CCDC3: variants seen among roughly 807,000 people sequenced by gnomAD.
CCDC3 encodes the protein coiled-coil domain-containing protein 3.
Under a neutral mutation model 21.4 loss-of-function variants are expected in CCDC3, and 24 were observed. That is an observed-to-expected ratio of 1.12 (90% CI 0.81 to 1.58). The LOEUF (loss-of-function observed/expected upper bound fraction) is 1.58. CCDC3 is among the 40% of genes most tolerant of loss of function. The pLI, the probability that CCDC3 is intolerant of heterozygous loss-of-function variation, is 0.00. For synonymous variants in CCDC3, 186 were observed against 166.0 expected (o/e 1.12, Z -0.93); for missense variants, 425 against 360.9 (o/e 1.18, Z -1.44).
chr10:13,045,765 C>T (rs530786393), intron 5 of CCDC3, among the ~76,000 whole-genome samples: 2 of 152,130 alleles, frequency 1.3e-5, no homozygotes, highest in South Asian at 2.1e-4. Flanking sequence ...CTACTGCTAC[C>T]GTAAGCACTA....
chr10:13,059,421 G>A (rs1197813407), intron 4 of CCDC3, among the ~76,000 whole-genome samples: 3 of 152,172 alleles, frequency 2.0e-5, no homozygotes, highest in Non-Finnish European at 4.4e-5. Context: ...ACAATATTGA[G>A]TGAACATCTT....
At chr10:12,911,623 A>G (rs1162211689) in intron 2 of CCDC3, among the ~76,000 whole-genome samples, 2 of 152,250 alleles carry the variant, frequency 1.3e-5, no homozygotes, top group Non-Finnish European at 2.9e-5. Context: ...GTACACTGAC[A>G]TGGCTAATTA....
intron 2 of CCDC3, among the ~76,000 whole-genome samples, chr10:12,900,985 C>A (rs1434899034): frequency 6.6e-6 from 1 of 152,150 alleles, no homozygotes; most frequent in Non-Finnish European, 1.5e-5. Flanking sequence ...CGGAAACTGA[C>A]CCTGACCTAA....
intron 5 of CCDC3, among the ~76,000 whole-genome samples, chr10:13,019,430 T>C (rs551047581): frequency 2.0e-5 from 3 of 152,318 alleles, no homozygotes; most frequent in East Asian, 3.9e-4. Context: ...GGTATCACAA[T>C]GAGAGCGTTT....
chr10:13,094,242 AGATGATGATGATGATGAT>A lies in CCDC3; in HGVS notation c.-503+4265_-503+4282del, dbSNP rs71386151. On this transcript the variant is annotated intron_variant, in intron 3 of 6. Transcript: ENST00000378839. ...TCTTTCCCAGTGAGTTTACTTTTCA[AGATGATGATGATGATGAT>A]GATGATGATGATGATGATGATGATG... Among the ~76,000 whole-genome samples, 27 of 146,856 alleles carry A rather than the reference AGATGATGATGATGATGAT, an allele frequency of 1.8e-4. 1 individual carries two copies. The highest frequency in any genetic ancestry group is 2.3e-4 in the South Asian group (1 of 4,392).
At position 12,898,203 on chromosome 10, in the gene CCDC3, G is replaced by T. The variant is rs1351608560; in HGVS notation, c.*213C>A. 2 of 606,568 alleles carry T rather than the reference G, an allele frequency of 3.3e-6. No homozygotes were observed. Among genetic ancestry groups the T allele is most frequent in the Admixed American group, 3.0e-5 (1 of 32,828 alleles). The allele number at this position is 606,568 out of a possible 1,614,324, so 37.6% of individuals were successfully genotyped here. Reference sequence around the variant, plus strand: ...TGGACTGCCAGGCACTGCGTCTGGGGTCAGGCCAGGAAGGGGCAGCGCGTG... The same window carrying T: ...TGGACTGCCAGGCACTGCGTCTGGGTTCAGGCCAGGAAGGGGCAGCGCGTG... On this transcript the variant is annotated 3_prime_UTR_variant, in exon 3 of 3. Coordinates refer to ENST00000378825, the MANE Select transcript of CCDC3 (RefSeq NM_031455.4).
chr10:12,902,659 C>A (rs530841110), intron 2 of CCDC3, among the ~76,000 whole-genome samples: 381 of 152,266 alleles, frequency 2.5e-3, no homozygotes, highest in African/African-American at 8.8e-3. Context: ...TGGCGGTGTT[C>A]AGAAGCTGCG....
intron 2 of CCDC3, among the ~76,000 whole-genome samples, chr10:12,977,290 A>AAAGGAAAGGAAAGGGGT (rs1835431227): frequency 6.6e-6 from 1 of 152,102 alleles, no homozygotes; most frequent in Admixed American, 6.6e-5. Flanking sequence ...AAAGGAAAAG[A>AAAGGAAAGGAAAGGGGT]AAGGAAAGGA....
At chr10:12,988,061 A>G (rs936972060) in intron 2 of CCDC3, among the ~76,000 whole-genome samples, 1 of 152,154 alleles carries the variant, frequency 6.6e-6, no homozygotes, top group South Asian at 2.1e-4. Flanking sequence ...TGGCTCCCCA[A>G]ATCACAAAGA....
chr10:13,040,096 C>T (rs1303549122), intron 5 of CCDC3, among the ~76,000 whole-genome samples: 4 of 151,984 alleles, frequency 2.6e-5, no homozygotes, highest in Admixed American at 6.6e-5. Context: ...GTCACAAAGG[C>T]ATTAAATTCA....
intron 3 of CCDC3, among the ~76,000 whole-genome samples, chr10:13,085,854 C>T (rs1837096364): frequency 6.6e-6 from 1 of 151,952 alleles, no homozygotes; most frequent in Non-Finnish European, 1.5e-5. Flanking sequence ...GTAATCCCAG[C>T]TACTCAGGAG....
At chr10:13,011,194 A>AC (rs1171417595) in intron 5 of CCDC3, among the ~76,000 whole-genome samples, 5 of 151,476 alleles carry the variant, frequency 3.3e-5, no homozygotes, top group Non-Finnish European at 4.4e-5. Flanking sequence ...AGAAAAAAAA[A>AC]AAAAAACCTG....
At chr10:12,957,411 A>G (rs1007753265) in intron 2 of CCDC3, among the ~76,000 whole-genome samples, 26 of 152,268 alleles carry the variant, frequency 1.7e-4, no homozygotes, top group Non-Finnish European at 2.8e-4. Context: ...TCACAGAAAC[A>G]TAAAAGTCTG....
At chr10:13,003,502 T>C (rs796249663), upstream of CCDC3, among the ~76,000 whole-genome samples, 3 of 152,258 alleles carry the variant, frequency 2.0e-5, no homozygotes, top group African/African-American at 7.2e-5. Flanking sequence ...GGTCGGCCCT[T>C]TAACCAGGAT....
upstream of CCDC3, among the ~76,000 whole-genome samples, chr10:13,004,177 T>C (rs996356410): frequency 6.6e-6 from 1 of 152,196 alleles, no homozygotes; most frequent in Non-Finnish European, 1.5e-5. Context: ...GTACCGTATA[T>C]GTATGTTCTG....
intron 2 of CCDC3, among the ~76,000 whole-genome samples, chr10:12,994,178 A>T (rs1186180862): frequency 6.6e-6 from 1 of 152,168 alleles, no homozygotes; most frequent in Admixed American, 6.5e-5. Context: ...CAGGAGGGTC[A>T]CTTGAGGCTG....
At chr10:12,901,264 T>G (rs1331445941) in intron 2 of CCDC3, among the ~76,000 whole-genome samples, 1 of 152,090 alleles carries the variant, frequency 6.6e-6, no homozygotes, top group Non-Finnish European at 1.5e-5. Flanking sequence ...TCTTACATTA[T>G]TTTTTCTTTT....
intron 2 of CCDC3, among the ~76,000 whole-genome samples, chr10:12,986,536 A>G (rs1380973451): frequency 1.3e-5 from 2 of 152,196 alleles, no homozygotes; most frequent in Non-Finnish European, 1.5e-5. Context: ...GCACTTTGGG[A>G]GGCCAAGGCG....
chr10:12,952,471 T>C (rs1351730331), intron 2 of CCDC3, among the ~76,000 whole-genome samples: 1 of 152,174 alleles, frequency 6.6e-6, no homozygotes, highest in African/African-American at 2.4e-5. Flanking sequence ...CCAGAATGTA[T>C]TTCTCTCCAG....
Sources: allele counts gnomAD v4.1 joint callset (sites outside exome capture counted in the v4.1 genomes callset), GRCh38; gene constraint gnomAD v4.1.1; transcripts MANE v1.5; gene names NCBI Gene and HGNC (gene_info 2026-07-23, HGNC 2026-07-21).